HEATR1: variants seen among roughly 807,000 people sequenced by gnomAD.
HEATR1 encodes the protein HEAT repeat-containing protein 1.
In HEATR1, 77 loss-of-function variants were observed where a neutral mutation model predicts 248.2. The observed-to-expected ratio is 0.31, with a 90% CI of 0.26 to 0.37. HEATR1 has a LOEUF of 0.37. Ranked by LOEUF, HEATR1 falls within the 10% of genes least tolerant of loss-of-function variation. HEATR1 has a pLI of 1.00. For missense variants in HEATR1, 2,420 were observed against 2,504.9 expected (o/e 0.97, Z 0.72); for synonymous variants, 897 against 923.1 (o/e 0.97, Z 0.51).
In HEATR1 at chr1:236,576,363, TAA is replaced by T; in HGVS notation, c.2938_2939del (p.Leu980IlefsTer2). 6.3e-7 allele frequency: 1 copy of T among 1,586,486 alleles called. No individual in the cohort carries two copies. Among genetic ancestry groups the T allele is most frequent in the Non-Finnish European group, 8.5e-7 (1 of 1,171,878 alleles). Reference sequence around the variant, plus strand: ...TCTTTTCTCTCTGTAGTTCCTCAAATAAAGTAGCCAAATCCTAAGATACCAAA... The same window carrying T: ...TCTTTTCTCTCTGTAGTTCCTCAAATAGTAGCCAAATCCTAAGATACCAAA... ...AAYVIQDLAT[L>X]FEELQREKKL... On this transcript the variant is annotated frameshift_variant, in exon 22 of 45. Transcript: ENST00000366582. LOFTEE classifies it high-confidence loss of function.
At chr1:236,596,098 C>T (rs1382216954) in intron 6 of HEATR1, 54 bp from the exon 7 acceptor site, 2 of 1,289,010 alleles carry the variant, frequency 1.6e-6, no homozygotes, top group Non-Finnish European at 2.2e-6. Flanking sequence ...TTTTCTGCTA[C>T]TTTAAATGTT....
At chr1:236,585,530 A>G (rs1257630666) in intron 16 of HEATR1, among the ~76,000 whole-genome samples, 3 of 152,184 alleles carry the variant, frequency 2.0e-5, no homozygotes, top group Non-Finnish European at 4.4e-5. Context: ...TAACAACAAC[A>G]ACAACAAAAA....
intron 28 of HEATR1, among the ~76,000 whole-genome samples, chr1:236,570,466 GCT>G (rs1287804873): frequency 3.9e-5 from 6 of 152,120 alleles, no homozygotes; most frequent in Non-Finnish European, 8.8e-5. Context: ...TGGTGGTGGT[GCT>G]GGTGGTGACG....
chr1:236,598,209 C>T (rs1174339546), intron 4 of HEATR1, among the ~76,000 whole-genome samples: 10 of 152,124 alleles, frequency 6.6e-5, no homozygotes, highest in Non-Finnish European at 2.9e-5. Context: ...AAGATGTTTG[C>T]TTATCGTATG....
At chr1:236,600,118 ATT>A (rs67344658) in intron 3 of HEATR1, among the ~76,000 whole-genome samples, 6,586 of 49,688 alleles carry the variant, frequency 0.13, 212 homozygotes, top group Middle Eastern at 0.34. Flanking sequence ...GTCTGTCAAC[ATT>A]TTTTTTTTTT....
In HEATR1 at chr1:236,576,510, A is replaced by G. The variant is rs913843448; in HGVS notation, c.2926-133T>C. 9 of 749,188 alleles carry G rather than the reference A, an allele frequency of 1.2e-5. No homozygotes were observed. In the African/African-American group the frequency reaches 1.2e-4, roughly 10 times the overall value. The allele number at this position is 749,188 out of a possible 1,614,324, so 46.4% of individuals were successfully genotyped here. On this transcript the variant is annotated intron_variant, in intron 21 of 44. Coordinates refer to ENST00000366582, the MANE Select transcript of HEATR1 (RefSeq NM_018072.6). ...TTTTCCATTTCTCCTTAAAACCTTAATAAGAAACGTTATTAAAAACACACA... is the reference window on the plus strand; with the variant it reads ...TTTTCCATTTCTCCTTAAAACCTTAGTAAGAAACGTTATTAAAAACACACA...
Position 236,563,493 on chromosome 1 carries a change from C to T in HEATR1, c.4599+1005G>A, listed in dbSNP as rs938447716. Among the ~76,000 whole-genome samples the T allele has an allele frequency of 9.9e-5, 15 of 152,008 alleles. 1 individual carries two copies. The highest frequency in any genetic ancestry group is 4.2e-4 in the South Asian group (2 of 4,818). ...GAGACCATGTTAGCCAGGATGGTCT[C>T]GATCTCCTGACCTCATGATCCGCCC... On this transcript the variant is annotated intron_variant, in intron 32 of 44. Coordinates refer to ENST00000366582, the MANE Select transcript of HEATR1 (RefSeq NM_018072.6).
intron 23 of HEATR1, 97 bp from the exon 24 acceptor site, chr1:236,574,430 T>A: frequency 7.0e-7 from 1 of 1,419,002 alleles, no homozygotes; most frequent in East Asian, 2.3e-5. Flanking sequence ...CAAAATTGTT[T>A]CCCACTTAAT....
In HEATR1 at chr1:236,603,245, C is replaced by T; in HGVS notation, c.274G>A (p.Glu92Lys). The T allele has an allele frequency of 6.2e-7, 1 of 1,614,160 alleles. No homozygotes were observed. Among genetic ancestry groups the T allele is most frequent in the Non-Finnish European group, 8.5e-7 (1 of 1,180,004 alleles). The change falls in exon 3 of 45, where the codon GAA becomes AAA. Residue 92 changes from glutamate (E) to lysine (K), a missense_variant. Coordinates refer to ENST00000366582, the MANE Select transcript of HEATR1 (RefSeq NM_018072.6). The stretch of plus-strand genomic sequence containing the variant: ...TGAATAAGGAATAATGAAATGTTTT[C>T]ATCCAACTGTTTGTTTACTGCTTTG... ...QTKAVNKQLDENISLFLIHLS... is the reference protein window; with the variant it reads ...QTKAVNKQLDKNISLFLIHLS...
At chr1:236,558,589 T>C in intron 35 of HEATR1, 60 bp from the exon 36 acceptor site, 1 of 1,509,440 alleles carries the variant, frequency 6.6e-7, no homozygotes, top group Non-Finnish European at 9.0e-7. Context: ...TTGTCCATTT[T>C]CCCATTGTCA....
chr1:236,564,065 C>A (rs1357604250), intron 32 of HEATR1, among the ~76,000 whole-genome samples: 1 of 152,194 alleles, frequency 6.6e-6, no homozygotes, highest in Non-Finnish European at 1.5e-5. Context: ...TTGCAGTGAG[C>A]CATGATTGCT....
At chr1:236,553,817 A>G in intron 42 of HEATR1, 78 bp from the exon 43 acceptor site, 1 of 1,415,646 alleles carries the variant, frequency 7.1e-7, no homozygotes, top group East Asian at 2.3e-5. Flanking sequence ...CAACATACAA[A>G]TATTTTACTA....
intron 30 of HEATR1, 31 bp downstream of exon 30, chr1:236,566,614 AT>A: frequency 6.8e-7 from 1 of 1,478,698 alleles, no homozygotes; most frequent in Non-Finnish European, 9.4e-7. Flanking sequence ...AGAAATCACC[AT>A]TTTCCTTATC....
chr1:236,579,530 T>C (rs1016501757), intron 20 of HEATR1, among the ~76,000 whole-genome samples: 17 of 152,216 alleles, frequency 1.1e-4, no homozygotes, highest in Non-Finnish European at 4.4e-5. Context: ...AATTGCTATC[T>C]CCATACAATG....
At chr1:236,581,153 T>C in intron 20 of HEATR1, 69 bp downstream of exon 20, 1 of 1,332,494 alleles carries the variant, frequency 7.5e-7, no homozygotes, top group Non-Finnish European at 1.1e-6. Context: ...TTTTCCAAAC[T>C]ACATAAACCA....
chr1:236,585,367 A>C, intron 16 of HEATR1, 151 bp from the exon 17 acceptor site: 1 of 554,468 alleles, frequency 1.8e-6, no homozygotes, highest in Non-Finnish European at 3.0e-6. Context: ...CTGATTTCTA[A>C]GTAATTATAA....
In HEATR1 at chr1:236,552,189, GCT is replaced by G. The variant is rs1662779955; in HGVS notation, c.6238-84_6238-83del. 4.5e-6 allele frequency: 4 copies of G among 880,470 alleles called. No individual in the cohort carries two copies. The Admixed American group carries it at 8.9e-5, about 20-fold the overall frequency. 54.5% of individuals were successfully genotyped at this position (880,470 alleles called of 1,614,324 possible). A position where few individuals can be genotyped will look rare whatever the true frequency, so the allele number is the denominator to read the frequency against. On this transcript the variant is annotated intron_variant, in intron 43 of 44. Transcript: ENST00000366582. ...TAAGAGCTGTACTGACTTGAGACAA[GCT>G]CTAACTTTTTAAACATTAGTTCACA...
chr1:236,563,951 TAA>T (rs1050340994), intron 32 of HEATR1, among the ~76,000 whole-genome samples: 3 of 152,046 alleles, frequency 2.0e-5, no homozygotes, highest in Non-Finnish European at 4.4e-5. Flanking sequence ...CCTGTCTCTA[TAA>T]AAAAAGTTTT....
At chr1:236,565,188 G>C (rs1295725544) in intron 31 of HEATR1, among the ~76,000 whole-genome samples, 1 of 152,228 alleles carries the variant, frequency 6.6e-6, no homozygotes, top group Non-Finnish European at 1.5e-5. Context: ...AAACAGGGAT[G>C]ACAGGGCCAA....
Sources: allele counts gnomAD v4.1 joint callset (sites outside exome capture counted in the v4.1 genomes callset), GRCh38; gene constraint gnomAD v4.1.1; transcripts MANE v1.5; gene names NCBI Gene and HGNC (gene_info 2026-07-23, HGNC 2026-07-21).